CEP104: variants seen among roughly 807,000 people sequenced by gnomAD.
The protein encoded by CEP104 is centrosomal protein 104.
Under a neutral mutation model 113.3 loss-of-function variants are expected in CEP104, and 84 were observed. That is an observed-to-expected ratio of 0.74 (90% confidence interval 0.62 to 0.89). CEP104 has a LOEUF of 0.89. Ranked by LOEUF, CEP104 falls within the 40% of genes least tolerant of loss-of-function variation. The pLI, the probability that CEP104 is intolerant of heterozygous loss-of-function variation, is 0.00. For missense variants in CEP104, 1,053 were observed against 1,156.6 expected (o/e 0.91, Z 1.30); for synonymous variants, 378 against 421.7 (o/e 0.90, Z 1.27).
chr1:3,835,666 T>C (rs554564183), intron 10 of CEP104, among the ~76,000 whole-genome samples: 2 of 152,144 alleles, frequency 1.3e-5, no homozygotes, highest in East Asian at 1.9e-4. Flanking sequence ...CCACTGCGCC[T>C]GGCCAACTCT....
chr1:3,817,077 T>A lies in CEP104; in HGVS notation c.2572-707A>T, dbSNP rs374851382. On this transcript the variant is annotated intron_variant, in intron 20 of 21. Coordinates refer to ENST00000378230, the MANE Select transcript of CEP104 (RefSeq NM_014704.4). ...TGGGCGCGGTGGCTCACGCCTGTAA[T>A]CCCAACACTTTGGGAGGCAGAGGTG... Among the ~76,000 whole-genome samples, 20 of 152,320 alleles carry A rather than the reference T, an allele frequency of 1.3e-4. No individual in the cohort carries two copies. In the East Asian group the frequency reaches 3.3e-3, roughly 25 times the overall value.
At chr1:3,827,613 A>C (rs964930588) in intron 15 of CEP104, among the ~76,000 whole-genome samples, 1 of 152,246 alleles carries the variant, frequency 6.6e-6, no homozygotes, top group African/African-American at 2.4e-5. Flanking sequence ...ACAATGTGAG[A>C]GCACTCCATG....
intron 4 of CEP104, among the ~76,000 whole-genome samples, chr1:3,846,251 T>C (rs59414187): frequency 0.2 from 30,894 of 152,116 alleles, 3,500 homozygotes; most frequent in Non-Finnish European, 0.25. Flanking sequence ...CAGTTCCCAG[T>C]TGGTGAGTCT....
Position 3,826,177 on chromosome 1 carries a change from T to TA in CEP104, c.2255+192dup, listed in dbSNP as rs543339174. 2.0e-5 allele frequency among the ~76,000 whole-genome samples: 3 copies of TA among 152,340 alleles called. No individual in the cohort carries two copies. In the East Asian group the frequency reaches 5.8e-4, roughly 29 times the overall value. On this transcript the variant is annotated intron_variant, in intron 17 of 21. Transcript: ENST00000378230. The stretch of plus-strand genomic sequence containing the variant: ...GCATCGTCAAGCAGAAAGGATATTT[T>TA]AAGTTACAATAAACAGAGGGAAAGT...
intron 6 of CEP104, among the ~76,000 whole-genome samples, chr1:3,842,117 C>T (rs12751065): frequency 0.073 from 11,102 of 152,274 alleles, 438 homozygotes; most frequent in Middle Eastern, 0.1. Context: ...GACGGAGTCT[C>T]GCTCTTGTCG....
In CEP104 at chr1:3,823,202, C is replaced by T. The variant is rs1644013687; in HGVS notation, c.2543G>A (p.Cys848Tyr). 1 of 1,614,112 alleles carries T rather than the reference C, an allele frequency of 6.2e-7. No individual in the cohort carries two copies. Among genetic ancestry groups the T allele is most frequent in the Admixed American group, 1.7e-5 (1 of 60,004 alleles). The stretch of plus-strand genomic sequence containing the variant: ...TTCTCCAGGGCTGAAGTTCTCATGA[C>T]ACAGGGGACACCGGTTTGCCAGCTT... Reference protein sequence around the residue: ...PEKLANRCPLCHENFSPGEEA... With the variant: ...PEKLANRCPLYHENFSPGEEA... The change falls in exon 20 of 22, where the codon TGT becomes TAT. Residue 848 changes from cysteine (C) to tyrosine (Y), a missense_variant. Cys to Tyr is a radical substitution (Grantham distance 194). Transcript: ENST00000378230. The surrounding 1 kb of genome is among the most constrained non-coding windows in gnomAD (Gnocchi z 4.1).
chr1:3,845,210 T>C, intron 5 of CEP104, 79 bp downstream of exon 5: 1 of 1,052,720 alleles, frequency 9.5e-7, no homozygotes, highest in East Asian at 2.4e-5. Context: ...AAATGACACA[T>C]TTTTTGGGTG....
At chr1:3,831,727 G>A (rs970916876) in intron 12 of CEP104, among the ~76,000 whole-genome samples, 4 of 152,126 alleles carry the variant, frequency 2.6e-5, no homozygotes, top group Admixed American at 6.6e-5. Context: ...AAGTCTTTAC[G>A]TAATTAAGAT....
chr1:3,830,163 CG>C (rs1202270895), intron 13 of CEP104, among the ~76,000 whole-genome samples, 166 bp from the exon 14 acceptor site: 1 of 152,036 alleles, frequency 6.6e-6, no homozygotes, highest in Non-Finnish European at 1.5e-5. Flanking sequence ...ACCGTCTCAT[CG>C]TAAGCCGTGT....
chr1:3,837,198 T>C, intron 9 of CEP104, 94 bp downstream of exon 9: 1 of 1,038,544 alleles, frequency 9.6e-7, no homozygotes, highest in Non-Finnish European at 1.4e-6. Flanking sequence ...GGAGCACTCA[T>C]GCACCCCATG....
At chr1:3,847,296 C>T (rs1644524781) in intron 4 of CEP104, among the ~76,000 whole-genome samples, 179 bp downstream of exon 4, 1 of 150,762 alleles carries the variant, frequency 6.6e-6, no homozygotes, top group Non-Finnish European at 1.5e-5. Context: ...TGGGCACTGG[C>T]CACGTGTGCC....
At chr1:3,832,650 G>C (rs1035024598) in intron 12 of CEP104, among the ~76,000 whole-genome samples, 1 of 152,146 alleles carries the variant, frequency 6.6e-6, no homozygotes, top group Non-Finnish European at 1.5e-5. Context: ...AATGAAACTA[G>C]ATCTGTGGTT....
intron 1 of CEP104, among the ~76,000 whole-genome samples, chr1:3,852,692 A>C (rs1451865160): frequency 1.3e-5 from 2 of 152,200 alleles, no homozygotes. Flanking sequence ...GCTCCCCAAA[A>C]GGATACGCTG....
At chr1:3,851,482 A>G (rs897841257) in intron 2 of CEP104, among the ~76,000 whole-genome samples, 1 of 152,140 alleles carries the variant, frequency 6.6e-6, no homozygotes, top group African/African-American at 2.4e-5. Flanking sequence ...AGTCATGAAA[A>G]GCACAGAGCT....
Position 3,823,619 on chromosome 1 carries a change from G to A in CEP104, c.2365-57C>T. ...GCTGAGAAAGCGGCAGCGCCCTCCA[G>A]CCAGCCTGCAGAGCCTGTGAGCGCC... On this transcript the variant is annotated intron_variant, in intron 18 of 21. Transcript: ENST00000378230. The surrounding 1 kb of genome is among the most constrained non-coding windows in gnomAD (Gnocchi z 4.1). 6.2e-7 allele frequency: 1 copy of A among 1,610,682 alleles called. No homozygotes were observed. The highest frequency in any genetic ancestry group is 1.7e-5 in the Admixed American group (1 of 59,962).
At chr1:3,825,145 G>A (rs35628110) in intron 18 of CEP104, among the ~76,000 whole-genome samples, 12,658 of 47,306 alleles carry the variant, frequency 0.27, 1,479 homozygotes, top group African/African-American at 0.39. Flanking sequence ...TGTGGGAAGG[G>A]GGCAGTGGCA....
chr1:3,824,654 C>T (rs766932434), intron 18 of CEP104, among the ~76,000 whole-genome samples: 3 of 152,160 alleles, frequency 2.0e-5, no homozygotes, highest in Admixed American at 6.5e-5. Flanking sequence ...AGATGGACAA[C>T]CCGAGGGAAA....
intron 4 of CEP104, among the ~76,000 whole-genome samples, chr1:3,847,009 C>A (rs1476624083): frequency 6.6e-6 from 1 of 152,130 alleles, no homozygotes; most frequent in East Asian, 1.9e-4. Flanking sequence ...ACCTTGTGCA[C>A]GTTGGGAGGG....
chr1:3,839,748 C>T lies in CEP104; in HGVS notation c.595G>A (p.Asp199Asn), dbSNP rs1557681983. 4.3e-6 allele frequency: 7 copies of T among 1,612,228 alleles called. No homozygotes were observed. Among genetic ancestry groups the T allele is most frequent in the Middle Eastern group, 1.7e-4 (1 of 6,058 alleles). The change falls in exon 7 of 22, where the codon GAC becomes AAC. Residue 199 changes from aspartate (D) to asparagine (N), a missense_variant. Physicochemically the swap from Asp to Asn is conservative, Grantham distance 23 (BLOSUM62 1). Transcript: ENST00000378230. ...RKSDYISPLD[D>N]LAFDMYQDPE... Reference sequence around the variant, plus strand: ...TCTTGGTACATATCAAAAGCTAAGTCATCTAGCGGAGAGATATAGTCAGAT... The same window carrying T: ...TCTTGGTACATATCAAAAGCTAAGTTATCTAGCGGAGAGATATAGTCAGAT...
Sources: allele counts gnomAD v4.1 joint callset (sites outside exome capture counted in the v4.1 genomes callset), GRCh38; gene constraint gnomAD v4.1.1; non-coding constraint Gnocchi (gnomAD v3.1); transcripts MANE v1.5; gene names NCBI Gene and HGNC (gene_info 2026-07-23, HGNC 2026-07-21).